Variants in KLHL7 observed in about 807,000 individuals in gnomAD.
KLHL7 encodes the protein kelch-like protein 7.
KLHL7 carries 44 observed loss-of-function variants against 67.4 expected under a neutral mutation model. The observed-to-expected ratio is 0.65, with a 90% CI of 0.51 to 0.84. The LOEUF (loss-of-function observed/expected upper bound fraction) is 0.84. Among genes scored for constraint, KLHL7 ranks in the 40% least tolerant of loss-of-function variants. The probability of loss-of-function intolerance (pLI) is 0.00; values close to 1 mark genes in which losing one functional copy is unlikely to be tolerated. For synonymous variants in KLHL7, 252 were observed against 243.3 expected, an observed-to-expected ratio of 1.04 and a Z score of -0.33; for missense variants, 362 against 718.1, an observed-to-expected ratio of 0.50 and a Z score of 5.67.
intron 9 of KLHL7, chr7:23,172,036 T>A (rs1785179724): frequency 5.0e-6 from 2 of 402,840 alleles, no homozygotes; most frequent in Non-Finnish European, 9.8e-6. Context: ...AAAGAAGAGA[T>A]ATAAACAATA....
chr7:23,136,926 T>C (rs148969511), intron 4 of KLHL7, among the ~76,000 whole-genome samples: 203 of 152,310 alleles, frequency 1.3e-3, no homozygotes, highest in Non-Finnish European at 2.5e-3. Flanking sequence ...TTTCTTGACT[T>C]ATGTATCCTA....
chr7:23,122,604 C>G (rs930755034), intron 1 of KLHL7, among the ~76,000 whole-genome samples: 1 of 152,170 alleles, frequency 6.6e-6, no homozygotes, highest in Non-Finnish European at 1.5e-5. Flanking sequence ...ATAGTCAATA[C>G]TAGGCCTTAT....
chr7:23,114,580 T>C (rs762530148), intron 1 of KLHL7, among the ~76,000 whole-genome samples: 1 of 152,222 alleles, frequency 6.6e-6, no homozygotes, highest in Non-Finnish European at 1.5e-5. Context: ...TTGCCTTGTC[T>C]TTTGGTCTAT....
intron 5 of KLHL7, 84 bp downstream of exon 5, chr7:23,141,028 G>A (rs1784164156): frequency 5.4e-6 from 6 of 1,120,142 alleles, no homozygotes; most frequent in South Asian, 1.2e-5. Flanking sequence ...ACATGACAAG[G>A]GAAAGAGTCA....
At chr7:23,110,909 A>G (rs1247463957) in intron 1 of KLHL7, among the ~76,000 whole-genome samples, 1 of 151,744 alleles carries the variant, frequency 6.6e-6, no homozygotes, top group Non-Finnish European at 1.5e-5. Flanking sequence ...CTCTAGTTCA[A>G]TTTGGCTTCC....
In KLHL7 at chr7:23,143,885, A is replaced by G; in HGVS notation, c.653A>G (p.Asp218Gly). The G allele has an allele frequency of 1.2e-6, 2 of 1,614,140 alleles. No individual in the cohort carries two copies. Among genetic ancestry groups the G allele is most frequent in the Non-Finnish European group, 1.7e-6 (2 of 1,180,008 alleles). The change falls in exon 6 of 11, where the codon GAT (aspartate) becomes GGT (glycine). Residue 218 changes from aspartate (D) to glycine (G), a missense_variant. By Grantham distance (94) the Asp-to-Gly change is moderately conservative. This residue lies in a region of KLHL7 where 155 missense variants were observed against 280.8 expected (regional missense o/e 0.55). Coordinates refer to ENST00000339077, the MANE Select transcript of KLHL7 (RefSeq NM_001031710.3). Reference sequence around the variant, plus strand: ...GCTGCAGTCAGGTGGTTGAAATACGATGAACCTAATCGCCAGCCATTTATG... The same window carrying G: ...GCTGCAGTCAGGTGGTTGAAATACGGTGAACCTAATCGCCAGCCATTTATG... ...YDAAVRWLKY[D>G]EPNRQPFMVD...
At position 23,125,117 on chromosome 7, in the gene KLHL7, G is replaced by A. The variant is rs779844999; in HGVS notation, c.387G>A (p.Val129=). 1.8e-5 allele frequency: 29 copies of A among 1,613,108 alleles called. No homozygotes were observed. Among genetic ancestry groups the A allele is most frequent in the Non-Finnish European group, 2.3e-5 (27 of 1,179,280 alleles). ...CAAACCAATATCAGATTGAACCTGT[G>A]AAGAAAATGTGTGTTGATTTTTTGA... ...DAANQYQIEP[V]KKMCVDFLKE... Residue 129 remains valine (V), a synonymous_variant, in exon 4 of 11, where the codon GTG becomes GTA. Coordinates refer to ENST00000339077, the MANE Select transcript of KLHL7 (RefSeq NM_001031710.3).
intron 5 of KLHL7, 45 bp from the exon 6 acceptor site, chr7:23,143,806 G>A: frequency 6.3e-7 from 1 of 1,574,930 alleles, no homozygotes. Flanking sequence ...AATTGGAAAT[G>A]TTGCTGTCTT....
intron 1 of KLHL7, among the ~76,000 whole-genome samples, chr7:23,108,804 GTGTTT>G (rs1474396514): frequency 3.7e-4 from 56 of 152,122 alleles, no homozygotes; most frequent in African/African-American, 1.4e-3. Flanking sequence ...ATAAACTCTT[GTGTTT>G]TGTTTTCTTA....
At chr7:23,121,977 C>T (rs1337693839) in intron 1 of KLHL7, among the ~76,000 whole-genome samples, 1 of 152,094 alleles carries the variant, frequency 6.6e-6, no homozygotes, top group Admixed American at 6.5e-5. Flanking sequence ...TCGCTGCACC[C>T]GGCAGTCCCA....
intron 1 of KLHL7, among the ~76,000 whole-genome samples, chr7:23,118,750 C>CT (rs763019318): frequency 6.6e-5 from 10 of 151,292 alleles, no homozygotes; most frequent in South Asian, 6.3e-4. Flanking sequence ...ATTTCCTAGA[C>CT]TTTTTTTTTA....
Position 23,152,205 on chromosome 7 carries a change from C to A in KLHL7, c.932C>A (p.Pro311Gln). 6 of 1,613,712 alleles carry A rather than the reference C, an allele frequency of 3.7e-6. No individual in the cohort carries two copies. Among genetic ancestry groups the A allele is most frequent in the Non-Finnish European group, 5.1e-6 (6 of 1,179,670 alleles). ...CCACAGTCTTGTAGATATTTTAACC[C>A]AAAGGTAACTAATTTTTATTCTTGG... ...SQPQSCRYFNPKDYSWTDIRC... is the reference protein window; with the variant it reads ...SQPQSCRYFNQKDYSWTDIRC... Residue 311 changes from proline to glutamine, a missense_variant, in exon 7 of 11, where the codon CCA becomes CAA. Pro to Gln is a moderately conservative substitution (Grantham distance 76). Coordinates refer to ENST00000339077, the MANE Select transcript of KLHL7 (RefSeq NM_001031710.3).
At chr7:23,148,751 A>C (rs10280815) in intron 6 of KLHL7, among the ~76,000 whole-genome samples, 66,859 of 152,148 alleles carry the variant, frequency 0.44, 16,612 homozygotes, top group African/African-American at 0.69. Flanking sequence ...TGATTAAGAA[A>C]CAGGATAGCA....
At chr7:23,146,890 C>T (rs754723947) in intron 6 of KLHL7, among the ~76,000 whole-genome samples, 33 of 152,008 alleles carry the variant, frequency 2.2e-4, no homozygotes, top group Non-Finnish European at 3.5e-4. Flanking sequence ...GGTACACATA[C>T]ACACAGTCAG....
chr7:23,122,007 A>G (rs186169458), intron 1 of KLHL7, among the ~76,000 whole-genome samples: 5 of 152,270 alleles, frequency 3.3e-5, no homozygotes, highest in Non-Finnish European at 5.9e-5. Context: ...GGAAATTATC[A>G]GTCTATTGTA....
chr7:23,159,243 A>C (rs1019403365), intron 7 of KLHL7, among the ~76,000 whole-genome samples: 3 of 152,112 alleles, frequency 2.0e-5, no homozygotes, highest in African/African-American at 7.2e-5. Flanking sequence ...TAATCACTGC[A>C]GCCTTAACCT....
chr7:23,105,839 A>T lies in KLHL7; in HGVS notation c.-188A>T. On this transcript the variant is annotated 5_prime_UTR_variant, in exon 1 of 11. Transcript: ENST00000339077. ...GTAGCGTCGCTCCCTGAGCGTTTCT[A>T]AGGGGGCCGCCCGGCCTTGTCTTTC... 1.2e-6 allele frequency: 1 copy of T among 839,798 alleles called. No individual in the cohort carries two copies. Among genetic ancestry groups the T allele is most frequent in the Non-Finnish European group, 1.9e-6 (1 of 531,272 alleles). 52.0% of individuals were successfully genotyped at this position (839,798 alleles called of 1,614,324 possible). A position where few individuals can be genotyped will look rare whatever the true frequency, so the allele number is the denominator to read the frequency against.
At chr7:23,134,448 T>C (rs1406579692) in intron 4 of KLHL7, among the ~76,000 whole-genome samples, 4 of 152,194 alleles carry the variant, frequency 2.6e-5, no homozygotes, top group Non-Finnish European at 4.4e-5. Context: ...GTTTTGGTAT[T>C]AGGGTAATGC....
chr7:23,166,407 T>C (rs944073978), intron 8 of KLHL7, among the ~76,000 whole-genome samples: 1 of 152,216 alleles, frequency 6.6e-6, no homozygotes, highest in Non-Finnish European at 1.5e-5. Flanking sequence ...TTTATGCTTA[T>C]TGAGCAGAAT....
Sources: gnomAD v4.1 joint callset for allele counts (sites outside exome capture counted in the v4.1 genomes callset) on GRCh38, gnomAD v4.1.1 for gene constraint, gnomAD v4.1.1 regional missense constraint, MANE v1.5 for transcripts, NCBI Gene and HGNC (gene_info 2026-07-23, HGNC 2026-07-21) for gene names.